Variants in PLD1 observed in about 807,000 individuals in gnomAD.
PLD1 encodes the protein choline phosphatase 1.
A neutral mutation model predicts 137.1 loss-of-function variants in PLD1; 112 were observed. The ratio of observed to expected loss-of-function variants is 0.82; its 90% CI spans 0.70 to 0.96. The LOEUF is 0.96. Ranked by LOEUF, PLD1 falls within the 40% of genes least tolerant of loss-of-function variation. The probability of loss-of-function intolerance (pLI) is 0.00; values close to 1 mark genes in which losing one functional copy is unlikely to be tolerated. For synonymous variants in PLD1, 431 were observed against 454.7 expected, an observed-to-expected ratio of 0.95 and a Z score of 0.66; for missense variants, 1,321 against 1,342.0, an observed-to-expected ratio of 0.98 and a Z score of 0.24.
chr3:171,696,320 T>A (rs949106458), intron 12 of PLD1, among the ~76,000 whole-genome samples: 1 of 152,212 alleles, frequency 6.6e-6, no homozygotes, highest in Non-Finnish European at 1.5e-5. Flanking sequence ...TTGTGAACAG[T>A]CTGCCTCTGA....
chr3:171,630,565 G>A (rs377663092), intron 23 of PLD1, among the ~76,000 whole-genome samples: 29 of 138,664 alleles, frequency 2.1e-4, no homozygotes, highest in African/African-American at 7.9e-4. Context: ...ACATGCACAC[G>A]TATGTTTATT....
In PLD1 at chr3:171,746,435, G is replaced by A. The variant is rs534459758; in HGVS notation, c.-31-8353C>T. 1.9e-4 allele frequency among the ~76,000 whole-genome samples: 29 copies of A among 152,082 alleles called. No homozygotes were observed. The South Asian group carries it at 5.8e-3, about 31-fold the overall frequency. On this transcript the variant is annotated intron_variant, in intron 1 of 26. Coordinates refer to ENST00000351298, the MANE Select transcript of PLD1 (RefSeq NM_002662.5). ...TGTGTCTAGCTAAAGGTTTGTAAAC[G>A]CACCAATCAGTGCTCTGTGTCCAGC...
chr3:171,678,616 T>C (rs937070192), intron 16 of PLD1, among the ~76,000 whole-genome samples: 2 of 152,254 alleles, frequency 1.3e-5, no homozygotes, highest in East Asian at 3.8e-4. Flanking sequence ...ATGGTACTGC[T>C]TGCAGTAGCC....
chr3:171,809,602 T>A (rs1432084791), intron 1 of PLD1: 1 of 152,200 alleles, frequency 6.6e-6, no homozygotes, highest in Non-Finnish European at 1.5e-5. Context: ...TAGTATTTAG[T>A]GCTTCACAGA....
chr3:171,736,987 T>G (rs1160630386), intron 3 of PLD1, among the ~76,000 whole-genome samples: 1 of 152,218 alleles, frequency 6.6e-6, no homozygotes, highest in East Asian at 1.9e-4. Flanking sequence ...GAATGAGGAC[T>G]AAAGGATGGT....
chr3:171,699,636 A>G, intron 12 of PLD1, 109 bp downstream of exon 12: 2 of 767,424 alleles, frequency 2.6e-6, no homozygotes, highest in Non-Finnish European at 4.3e-6. Context: ...ACTTTTTGTC[A>G]AACTCTAAAG....
intron 1 of PLD1, among the ~76,000 whole-genome samples, chr3:171,767,326 G>A (rs1722047449): frequency 6.6e-6 from 1 of 152,166 alleles, no homozygotes; most frequent in Non-Finnish European, 1.5e-5. Flanking sequence ...TCTTGCCACT[G>A]GTCACGAGCA....
At chr3:171,776,181 C>T (rs1213985217) in intron 1 of PLD1, among the ~76,000 whole-genome samples, 1 of 152,204 alleles carries the variant, frequency 6.6e-6, no homozygotes, top group Admixed American at 6.5e-5. Flanking sequence ...ACACTCCTTC[C>T]TGGGCCTCAG....
intron 25 of PLD1, 114 bp from the exon 26 acceptor site, chr3:171,605,530 A>C (rs939991869): frequency 2.5e-5 from 17 of 686,018 alleles, no homozygotes; most frequent in Admixed American, 1.1e-4. Flanking sequence ...AAATTATTTG[A>C]GAGACCATGA....
intron 1 of PLD1, among the ~76,000 whole-genome samples, chr3:171,806,258 T>C (rs1038416542): frequency 6.6e-6 from 1 of 152,206 alleles, no homozygotes; most frequent in Non-Finnish European, 1.5e-5. Flanking sequence ...AAAAAAACAC[T>C]GTGACACTAT....
rs1732787558 is a variant in PLD1, at chr3:171,612,948, G to A, written c.2729-516C>T. Among the ~76,000 whole-genome samples the A allele has an allele frequency of 1.3e-5, 2 of 152,100 alleles. No homozygotes were observed. The highest frequency in any genetic ancestry group is 1.9e-4 in the East Asian group (1 of 5,188). ...TTTGAGAGGCCAAGGCAGGAGGATC[G>A]CTTAAAGCCAGGAGTTTGAGACCAG... On this transcript the variant is annotated intron_variant, in intron 24 of 26. Coordinates refer to ENST00000351298, the MANE Select transcript of PLD1 (RefSeq NM_002662.5). The surrounding 1 kb of genome is among the most constrained non-coding windows in gnomAD (Gnocchi z 4.1).
intron 1 of PLD1, among the ~76,000 whole-genome samples, chr3:171,774,595 T>G (rs975405234): frequency 2.6e-5 from 4 of 152,052 alleles, no homozygotes; most frequent in African/African-American, 9.7e-5. Context: ...TTTGGGTGAG[T>G]AGGAATTTAG....
chr3:171,742,680 A>G (rs893920036), intron 1 of PLD1, among the ~76,000 whole-genome samples: 2 of 152,238 alleles, frequency 1.3e-5, no homozygotes, highest in Admixed American at 1.3e-4. Context: ...TAAAGGATCC[A>G]TAATATATAA....
At chr3:171,706,254 C>T (rs1716686880) in intron 11 of PLD1, among the ~76,000 whole-genome samples, 1 of 149,328 alleles carries the variant, frequency 6.7e-6, no homozygotes, top group Non-Finnish European at 1.5e-5. Context: ...CCTTTCCTAT[C>T]CTATGCCATT....
chr3:171,664,452 C>T (rs1226007508), intron 19 of PLD1, among the ~76,000 whole-genome samples: 10 of 149,198 alleles, frequency 6.7e-5, no homozygotes, highest in Non-Finnish European at 1.0e-4. Flanking sequence ...AGAAGGGAAC[C>T]TCCAGGATTT....
At position 171,635,965 on chromosome 3, in the gene PLD1, C is replaced by CTTTTTTTTTTTTTTTTTTTTTT. The variant is rs71178231; in HGVS notation, c.2593+6853_2593+6874dup. 6.7e-4 allele frequency among the ~76,000 whole-genome samples: 33 copies of CTTTTTTTTTTTTTTTTTTTTTT among 49,280 alleles called. 1 individual carries two copies. The highest frequency in any genetic ancestry group is 9.7e-4 in the Non-Finnish European group (22 of 22,586). 32.3% of individuals were successfully genotyped at this position (49,280 alleles called of 152,430 possible). A position where few individuals can be genotyped will look rare whatever the true frequency, so the allele number is the denominator to read the frequency against. ...ATGGTATGAGGTAGGGGTTCAACTT[C>CTTTTTTTTTTTTTTTTTTTTTT]TTTTTTTTTTTTTTTTTTTTTTTTT... is the stretch of plus-strand genomic sequence containing the variant. On this transcript the variant is annotated intron_variant, in intron 23 of 26. Coordinates refer to ENST00000351298, the MANE Select transcript of PLD1 (RefSeq NM_002662.5).
intron 23 of PLD1, among the ~76,000 whole-genome samples, chr3:171,623,309 C>A (rs1733791309): frequency 1.4e-5 from 2 of 146,514 alleles, no homozygotes; most frequent in African/African-American, 5.2e-5. Flanking sequence ...TTAGCCCTAT[C>A]AGACTTTTTT....
At chr3:171,780,866 T>G (rs571954050) in intron 1 of PLD1, among the ~76,000 whole-genome samples, 1 of 152,318 alleles carries the variant, frequency 6.6e-6, no homozygotes, top group South Asian at 2.1e-4. Context: ...AGACCAAATA[T>G]TGTTAAATTT....
At chr3:171,616,250 T>C (rs1733102785) in intron 24 of PLD1, among the ~76,000 whole-genome samples, 1 of 152,058 alleles carries the variant, frequency 6.6e-6, no homozygotes, top group Non-Finnish European at 1.5e-5. Context: ...GTGGTTTATC[T>C]TTTTATTCTC....
Sources: gnomAD v4.1 joint callset for allele counts (sites outside exome capture counted in the v4.1 genomes callset) on GRCh38, gnomAD v4.1.1 for gene constraint, Gnocchi (gnomAD v3.1) non-coding constraint, MANE v1.5 for transcripts, NCBI Gene and HGNC (gene_info 2026-07-23, HGNC 2026-07-21) for gene names.